PPP1R9A: variants seen among roughly 807,000 people sequenced by gnomAD.
PPP1R9A encodes the protein protein phosphatase 1 regulatory subunit 9A.
PPP1R9A carries 59 observed loss-of-function variants against 141.9 expected under a neutral mutation model. That is an observed-to-expected ratio of 0.42 (90% CI 0.34 to 0.52). PPP1R9A has a LOEUF of 0.52. Among genes scored for constraint, PPP1R9A ranks in the 20% least tolerant of loss-of-function variants. The probability of loss-of-function intolerance (pLI) is 0.10; values close to 1 mark genes in which losing one functional copy is unlikely to be tolerated. For missense variants in PPP1R9A, 1,444 were observed against 1,611.9 expected (o/e 0.90, Z 1.78); for synonymous variants, 500 against 569.7 (o/e 0.88, Z 1.74).
intron 2 of PPP1R9A, among the ~76,000 whole-genome samples, chr7:94,984,465 G>GT (rs575271904): frequency 6.6e-6 from 1 of 151,862 alleles, no homozygotes; most frequent in African/African-American, 2.4e-5. Context: ...TGGTCTCGGA[G>GT]TTTTTTTGGT....
intron 2 of PPP1R9A, among the ~76,000 whole-genome samples, chr7:95,001,536 A>G (rs1802927248): frequency 6.6e-6 from 1 of 152,212 alleles, no homozygotes; most frequent in South Asian, 2.1e-4. Flanking sequence ...TCCAATTGCC[A>G]TGTGACTCTC....
At chr7:95,173,833 C>A (rs190778128) in intron 5 of PPP1R9A, among the ~76,000 whole-genome samples, 1 of 151,948 alleles carries the variant, frequency 6.6e-6, no homozygotes, top group Non-Finnish European at 1.5e-5. Context: ...TACTGTACAC[C>A]TGCTAAAAAG....
chr7:95,028,172 C>G (rs1807159092), intron 2 of PPP1R9A, among the ~76,000 whole-genome samples: 1 of 152,078 alleles, frequency 6.6e-6, no homozygotes, highest in Non-Finnish European at 1.5e-5. Context: ...AGAATCACCT[C>G]AGAAGACAAT....
intron 5 of PPP1R9A, among the ~76,000 whole-genome samples, chr7:95,182,702 CTA>C (rs1221725739): frequency 6.6e-6 from 1 of 152,180 alleles, no homozygotes; most frequent in East Asian, 1.9e-4. Context: ...ATTCCTAAGA[CTA>C]CCGCTTGCCC....
At chr7:95,137,415 C>CAAAAAAAAAAAAAAAAA (rs33928009) in intron 4 of PPP1R9A, among the ~76,000 whole-genome samples, 24 of 91,478 alleles carry the variant, frequency 2.6e-4, no homozygotes, top group African/African-American at 7.8e-4. Flanking sequence ...GACATGAACT[C>CAAAAAAAAAAAAAAAAA]AAAAAAAAAA....
rs1360596713 is a variant in PPP1R9A, at chr7:95,279,118, A to G, written c.3297-4900A>G. On this transcript the variant is annotated intron_variant, in intron 16 of 19. Transcript: ENST00000433360. ...TGGCAGTCTTGTTCATCCAAGGATG[A>G]CTTTTGTTATATCTTGAAGAATGAA... Among the ~76,000 whole-genome samples the G allele has an allele frequency of 3.3e-5, 5 of 152,280 alleles. No homozygotes were observed. The South Asian group carries it at 1.0e-3, about 32-fold the overall frequency.
chr7:95,272,708 A>C (rs1585573563), intron 14 of PPP1R9A, among the ~76,000 whole-genome samples: 1 of 152,276 alleles, frequency 6.6e-6, no homozygotes, highest in Non-Finnish European at 1.5e-5. Context: ...CATGTTTTTT[A>C]AAGGTGTATG....
chr7:95,214,388 T>C (rs1792832077), intron 7 of PPP1R9A: 1 of 152,258 alleles, frequency 6.6e-6, no homozygotes, highest in Non-Finnish European at 1.5e-5. Flanking sequence ...AGGTCCTCAC[T>C]GGCTGTTGGC....
intron 4 of PPP1R9A, among the ~76,000 whole-genome samples, chr7:95,132,078 A>C (rs1349844026): frequency 6.6e-6 from 1 of 152,194 alleles, no homozygotes; most frequent in African/African-American, 2.4e-5. Context: ...TATCAGTTTC[A>C]GAAGCTTTTT....
chr7:95,157,485 G>A (rs544871309), intron 4 of PPP1R9A, among the ~76,000 whole-genome samples: 29 of 152,234 alleles, frequency 1.9e-4, no homozygotes, highest in Non-Finnish European at 3.7e-4. Flanking sequence ...AGCTGCACCC[G>A]GGGAGTTCCC....
Position 95,225,873 on chromosome 7 carries a change from C to G in PPP1R9A, c.1957-88C>G. On this transcript the variant is annotated intron_variant, in intron 7 of 19. Transcript: ENST00000433360. ...ACACTTTTACCATTTGGGTACATGT[C>G]TTACTTGTCTTTTATAAAATATTTT... The G allele has an allele frequency of 6.4e-6, 9 of 1,402,884 alleles. No individual in the cohort carries two copies. In the South Asian group the frequency reaches 1.3e-4, roughly 20 times the overall value. 86.9% of individuals were successfully genotyped at this position (1,402,884 alleles called of 1,614,324 possible).
At chr7:95,139,690 G>T (rs1303869816) in intron 4 of PPP1R9A, among the ~76,000 whole-genome samples, 2 of 151,912 alleles carry the variant, frequency 1.3e-5, no homozygotes, top group Non-Finnish European at 2.9e-5. Context: ...CTGGAAAGAT[G>T]CAGTCTTATT....
intron 2 of PPP1R9A, among the ~76,000 whole-genome samples, chr7:95,091,141 TA>T (rs1200056067): frequency 1.3e-5 from 2 of 151,888 alleles, no homozygotes; most frequent in Non-Finnish European, 2.9e-5. Flanking sequence ...TTTTACTTTT[TA>T]AAGTAATGTT....
At chr7:95,054,671 T>C (rs1811274057) in intron 2 of PPP1R9A, among the ~76,000 whole-genome samples, 1 of 152,098 alleles carries the variant, frequency 6.6e-6, no homozygotes, top group Non-Finnish European at 1.5e-5. Context: ...ACTGCTTGTT[T>C]TTTCCATCTT....
chr7:95,181,748 TCACATATATATAGAATATATATATATTCC>T (rs1231078323), intron 5 of PPP1R9A, among the ~76,000 whole-genome samples: 16 of 134,534 alleles, frequency 1.2e-4, no homozygotes, highest in Non-Finnish European at 2.2e-4. Context: ...ATATATTCCG[TCACATATATATAGAATATATATATATTCC>T]GTCACATATA....
chr7:94,983,207 G>T (rs1800349781), intron 2 of PPP1R9A, among the ~76,000 whole-genome samples: 1 of 152,156 alleles, frequency 6.6e-6, no homozygotes, highest in African/African-American at 2.4e-5. Flanking sequence ...TTTTGTACCA[G>T]TACCATGCTG....
chr7:95,007,025 G>C (rs1803714669), intron 2 of PPP1R9A, among the ~76,000 whole-genome samples: 1 of 152,002 alleles, frequency 6.6e-6, no homozygotes, highest in Admixed American at 6.6e-5. Flanking sequence ...ACTACACTAG[G>C]ATAATTTTGT....
At chr7:95,180,657 C>T (rs562053134) in intron 5 of PPP1R9A, among the ~76,000 whole-genome samples, 15 of 151,902 alleles carry the variant, frequency 9.9e-5, no homozygotes, top group Admixed American at 3.3e-4. Context: ...CCAGAATCTA[C>T]GACAATCTCA....
intron 2 of PPP1R9A, among the ~76,000 whole-genome samples, chr7:95,042,095 A>G (rs1809328237): frequency 6.6e-6 from 1 of 152,092 alleles, no homozygotes; most frequent in South Asian, 2.1e-4. Context: ...GATGTCAGGG[A>G]AGGCAGGTAG....
Sources: allele counts gnomAD v4.1 joint callset (sites outside exome capture counted in the v4.1 genomes callset), GRCh38; gene constraint gnomAD v4.1.1; transcripts MANE v1.5; gene names NCBI Gene and HGNC (gene_info 2026-07-23, HGNC 2026-07-21).